Variants in QRSL1 observed in about 807,000 individuals in gnomAD.
The protein encoded by QRSL1 is glutamyl-tRNA(Gln) amidotransferase subunit A, mitochondrial.
A neutral mutation model predicts 61.6 loss-of-function variants in QRSL1; 54 were observed. The ratio of observed to expected loss-of-function variants is 0.88; its 90% confidence interval spans 0.70 to 1.10. The LOEUF is 1.10. Ranked by LOEUF, QRSL1 falls within the 50% of genes least tolerant of loss-of-function variation. The probability of loss-of-function intolerance (pLI) is 0.00; values close to 1 mark genes in which losing one functional copy is unlikely to be tolerated. For synonymous variants in QRSL1, 228 were observed against 225.7 expected (o/e 1.01, Z -0.09); for missense variants, 505 against 622.6 (o/e 0.81, Z 2.01).
At chr6:106,662,539 C>A (rs1459868849) in intron 9 of QRSL1, among the ~76,000 whole-genome samples, 1 of 151,236 alleles carries the variant, frequency 6.6e-6, no homozygotes, top group Non-Finnish European at 1.5e-5. Context: ...ATTTAACCAA[C>A]CAGTATTTCT....
chr6:106,635,653 T>G (rs2114698551), intron 1 of QRSL1, among the ~76,000 whole-genome samples: 1 of 152,230 alleles, frequency 6.6e-6, no homozygotes, highest in East Asian at 1.9e-4. Context: ...GGCGGGCAGA[T>G]CACGAGGTCA....
At chr6:106,640,088 G>A (rs549629804) in intron 1 of QRSL1, 38 of 313,946 alleles carry the variant, frequency 1.2e-4, no homozygotes, top group Admixed American at 5.1e-4. Context: ...ACTTACTGCC[G>A]TTGTTTGTAC....
In QRSL1 at chr6:106,652,552, T is replaced by C. The variant is rs1202019697; in HGVS notation, c.819T>C (p.Asp273=). 6.2e-7 allele frequency: 1 copy of C among 1,614,244 alleles called. No individual in the cohort carries two copies. The part of the protein sequence containing the change: ...NKPFMLPSLA[D]VSKLCIGIPK... ...CATTCATGCTTCCCAGTTTGGCAGA[T>C]GTGAGCAAACTATGTATAGGAATTC... Residue 273 remains aspartate, a synonymous_variant, in exon 7 of 11, where the codon GAT becomes GAC. Transcript: ENST00000369046.
chr6:106,640,087 C>T (rs989212559), intron 1 of QRSL1: 14 of 315,532 alleles, frequency 4.4e-5, no homozygotes, highest in Non-Finnish European at 7.0e-5. Context: ...AACTTACTGC[C>T]GTTGTTTGTA....
intron 5 of QRSL1, among the ~76,000 whole-genome samples, chr6:106,650,726 A>G (rs541439709): frequency 6.6e-6 from 1 of 152,196 alleles, no homozygotes; most frequent in Non-Finnish European, 1.5e-5. Context: ...TTTCTGTTAA[A>G]AGTAACAATT....
At chr6:106,648,500 G>A (rs933639474) in intron 4 of QRSL1, among the ~76,000 whole-genome samples, 6 of 152,122 alleles carry the variant, frequency 3.9e-5, no homozygotes, top group Admixed American at 1.3e-4. Flanking sequence ...ATGTACAAAC[G>A]TACACAGAGC....
At chr6:106,650,545 TTTTTGATTTGTTTACCCC>T (rs1777175890) in intron 5 of QRSL1, among the ~76,000 whole-genome samples, 1 of 8,852 alleles carries the variant, frequency 1.1e-4, no homozygotes, top group Non-Finnish European at 4.1e-4. Context: ...TGTTTACCCC[TTTTTGATTTGTTTACCCC>T]TTTTTGATTT....
At chr6:106,639,133 T>TTTTTG (rs1562165141) in intron 1 of QRSL1, among the ~76,000 whole-genome samples, 1 of 115,294 alleles carries the variant, frequency 8.7e-6, no homozygotes, top group African/African-American at 3.0e-5. Flanking sequence ...TTTTTTTTTT[T>TTTTTG]TTTTTTTTTT....
In QRSL1 at chr6:106,659,066, CATTTTTTATACATTAT is replaced by C. The variant is rs1777314438; in HGVS notation, c.1160+3342_1160+3357del. On this transcript the variant is annotated intron_variant, in intron 9 of 10. Transcript: ENST00000369046. ...TCTGTTATGTTGATTCTTTCCAGTACATTTTTTATACATTATATTTTTTTCTCTAGAAGTTCCATGT... is the reference window on the plus strand; with the variant it reads ...TCTGTTATGTTGATTCTTTCCAGTACATTTTTTTCTCTAGAAGTTCCATGT... Among the ~76,000 whole-genome samples, 2 of 152,004 alleles carry C rather than the reference CATTTTTTATACATTAT, an allele frequency of 1.3e-5. 1 individual carries two copies. Among genetic ancestry groups the C allele is most frequent in the South Asian group, 4.1e-4 (2 of 4,824 alleles).
intron 9 of QRSL1, among the ~76,000 whole-genome samples, chr6:106,657,530 A>C (rs954076764): frequency 4.6e-5 from 7 of 152,186 alleles, no homozygotes; most frequent in Admixed American, 3.3e-4. Flanking sequence ...GTCAGAAAGC[A>C]TTCCTCATGA....
At position 106,663,122 on chromosome 6, in the gene QRSL1, A is replaced by C. The variant is rs747078658; in HGVS notation, c.1303A>C (p.Lys435Gln). The change falls in exon 10 of 11, where the codon AAA becomes CAA. Residue 435 changes from lysine (K) to glutamine (Q), a missense_variant. By Grantham distance (53) the Lys-to-Gln change is moderately conservative. Coordinates refer to ENST00000369046, the MANE Select transcript of QRSL1 (RefSeq NM_018292.5). The stretch of plus-strand genomic sequence containing the variant: ...GGCAGTACCATACTTGGAGTTCATC[A>C]AAGAGGACAACAGAACCCGAAGTGC... ...SEAVPYLEFIKEDNRTRSAQD... is the reference protein window; with the variant it reads ...SEAVPYLEFIQEDNRTRSAQD... 7 of 1,614,074 alleles carry C rather than the reference A, an allele frequency of 4.3e-6. No individual in the cohort carries two copies. The African/African-American group carries it at 9.3e-5, about 22-fold the overall frequency.
intron 1 of QRSL1, 58 bp from the exon 2 acceptor site, chr6:106,640,291 A>AAAAAAAAT: frequency 6.8e-7 from 1 of 1,468,426 alleles, no homozygotes; most frequent in Non-Finnish European, 9.4e-7. Context: ...CCCCACCAAT[A>AAAAAAAAT]TAACAATTGA....
intron 1 of QRSL1, among the ~76,000 whole-genome samples, chr6:106,637,030 G>T: frequency 6.6e-6 from 1 of 152,238 alleles, no homozygotes. Context: ...GGTCTCACAA[G>T]GCTGAAATCC....
intron 9 of QRSL1, among the ~76,000 whole-genome samples, chr6:106,656,061 C>G (rs1276092307): frequency 6.6e-6 from 1 of 152,116 alleles, no homozygotes; most frequent in Non-Finnish European, 1.5e-5. Flanking sequence ...AAAAGCAATA[C>G]AGTGTAACAA....
intron 9 of QRSL1, among the ~76,000 whole-genome samples, chr6:106,661,662 T>C (rs1777357117): frequency 6.8e-6 from 1 of 147,752 alleles, no homozygotes; most frequent in South Asian, 2.1e-4. Flanking sequence ...TTGTGGAAAC[T>C]GTTGTGGAAA....
At position 106,647,027 on chromosome 6, in the gene QRSL1, CAAAAAAAAAA is replaced by C. The variant is rs57402820; in HGVS notation, c.381-1979_381-1970del. 6.2e-3 allele frequency among the ~76,000 whole-genome samples: 502 copies of C among 81,454 alleles called. 2 individuals are homozygous for C. The highest frequency in any genetic ancestry group is 8.6e-3 in the Non-Finnish European group (373 of 43,190). 53.4% of individuals were successfully genotyped at this position (81,454 alleles called of 152,430 possible). Reference sequence around the variant, plus strand: ...TGGGTGACAGAGCAAGACTCCTTCTCAAAAAAAAAAAAAAAAAAAAAAAAAAAATTAATAG... The same window carrying C: ...TGGGTGACAGAGCAAGACTCCTTCTCAAAAAAAAAAAAAAAAAATTAATAG... On this transcript the variant is annotated intron_variant, in intron 4 of 10. Coordinates refer to ENST00000369046, the MANE Select transcript of QRSL1 (RefSeq NM_018292.5).
At chr6:106,638,443 T>A (rs1238938135) in intron 1 of QRSL1, among the ~76,000 whole-genome samples, 1 of 152,192 alleles carries the variant, frequency 6.6e-6, no homozygotes, top group African/African-American at 2.4e-5. Context: ...TAGCTGGGAT[T>A]ACAGGCATGC....
intron 1 of QRSL1, among the ~76,000 whole-genome samples, chr6:106,637,932 G>T (rs1229826708): frequency 6.6e-6 from 1 of 151,914 alleles, no homozygotes; most frequent in African/African-American, 2.4e-5. Context: ...TGGTCTTAAT[G>T]CAAATCGGCA....
intron 1 of QRSL1, among the ~76,000 whole-genome samples, chr6:106,632,880 A>G (rs1015228873): frequency 6.6e-6 from 1 of 152,100 alleles, no homozygotes; most frequent in Non-Finnish European, 1.5e-5. Context: ...CTGGAGTGTG[A>G]TAGTTCTTCT....
Sources: allele counts gnomAD v4.1 joint callset (sites outside exome capture counted in the v4.1 genomes callset), GRCh38; gene constraint gnomAD v4.1.1; transcripts MANE v1.5; gene names NCBI Gene and HGNC (gene_info 2026-07-23, HGNC 2026-07-21).